Variants in ENTREP2 observed in about 807,000 individuals in gnomAD.
The protein encoded by ENTREP2 is endosomal transmembrane epsin interactor 2.
At chr15:29,531,038 T>A in the ENTREP2 span, among the ~76,000 whole-genome samples, 1 of 152,216 alleles carries the variant, frequency 6.6e-6, no homozygotes, top group Admixed American at 6.5e-5. Flanking sequence ...CCTGCCTGCA[T>A]TCTTCCCCTC....
At chr15:29,335,927 G>A in the ENTREP2 span, among the ~76,000 whole-genome samples, 1 of 151,984 alleles carries the variant, frequency 6.6e-6, no homozygotes, top group Admixed American at 6.5e-5. Flanking sequence ...GGATCACAAC[G>A]TCAGGAGATT....
At chr15:29,498,905 T>G in the ENTREP2 span, among the ~76,000 whole-genome samples, 1 of 152,206 alleles carries the variant, frequency 6.6e-6, no homozygotes, top group Non-Finnish European at 1.5e-5. Context: ...CATAATGACC[T>G]TTTTGATCTC....
the ENTREP2 span, among the ~76,000 whole-genome samples, chr15:29,506,929 C>G: frequency 2.0e-5 from 3 of 152,118 alleles, no homozygotes. Flanking sequence ...TGTAAATGGG[C>G]TGAATGCCCC....
the ENTREP2 span, among the ~76,000 whole-genome samples, chr15:29,446,856 T>C: frequency 3.3e-5 from 5 of 152,186 alleles, no homozygotes; most frequent in South Asian, 1.0e-3. Flanking sequence ...GCCAGGAGCA[T>C]GGTATCTCTT....
chr15:29,193,385 G>T, the ENTREP2 span, among the ~76,000 whole-genome samples: 1 of 152,184 alleles, frequency 6.6e-6, no homozygotes, highest in Non-Finnish European at 1.5e-5. Flanking sequence ...TGCTCTTCTG[G>T]AGCTGAGACA....
At chr15:29,381,902 A>G in the ENTREP2 span, 1 of 1,384,018 alleles carries the variant, frequency 7.2e-7, no homozygotes, top group South Asian at 1.2e-5. Flanking sequence ...AACACTGTGA[A>G]CCGTTTCAAC....
chr15:29,243,988 C>T, the ENTREP2 span, among the ~76,000 whole-genome samples: 1,742 of 152,314 alleles, frequency 0.011, 34 homozygotes, highest in African/African-American at 0.04. Context: ...ACAAGGAGGG[C>T]ACCTCAAGGT....
the ENTREP2 span, among the ~76,000 whole-genome samples, chr15:29,395,702 AT>A: frequency 0.12 from 17,450 of 150,768 alleles, 1,672 homozygotes; most frequent in African/African-American, 0.27. Context: ...TAGTTTTCGT[AT>A]TTTTTTTTCT....
the ENTREP2 span, among the ~76,000 whole-genome samples, chr15:29,628,518 C>T: frequency 1.3e-5 from 2 of 152,250 alleles, no homozygotes; most frequent in East Asian, 3.9e-4. Context: ...CTATCGATGT[C>T]CATTAGATCA....
the ENTREP2 span, among the ~76,000 whole-genome samples, chr15:29,128,278 C>T: frequency 6.6e-6 from 1 of 152,168 alleles, no homozygotes; most frequent in African/African-American, 2.4e-5. Flanking sequence ...CCCGCCCCGG[C>T]TCTGCACGCG....
At chr15:29,490,254 ATGGTCTCTC>A in the ENTREP2 span, among the ~76,000 whole-genome samples, 1 of 151,836 alleles carries the variant, frequency 6.6e-6, no homozygotes, top group African/African-American at 2.4e-5. Flanking sequence ...CAATGGGTTT[ATGGTCTCTC>A]TGGCCTCAGA....
At chr15:29,559,202 G>C in the ENTREP2 span, among the ~76,000 whole-genome samples, 4 of 152,182 alleles carry the variant, frequency 2.6e-5, no homozygotes, top group South Asian at 6.2e-4. Context: ...TCTTGTGATC[G>C]ATCCAGTTAC....
At chr15:29,462,725 T>G in the ENTREP2 span, among the ~76,000 whole-genome samples, 20 of 152,214 alleles carry the variant, frequency 1.3e-4, no homozygotes, top group East Asian at 3.7e-3. Flanking sequence ...ATCACAACCT[T>G]TTCAGCAAAG....
At chr15:29,343,029 G>GGGGT in the ENTREP2 span, among the ~76,000 whole-genome samples, 48 of 129,654 alleles carry the variant, frequency 3.7e-4, no homozygotes, top group Non-Finnish European at 6.5e-4. Flanking sequence ...AAAAGGAATG[G>GGGGT]GGGGGGTGGT....
the ENTREP2 span, among the ~76,000 whole-genome samples, chr15:29,280,738 C>A: frequency 3.3e-5 from 5 of 152,184 alleles, no homozygotes; most frequent in African/African-American, 1.2e-4. Context: ...AGCCGGGGAA[C>A]CGCCATGGGA....
chr15:29,230,550 C>T, the ENTREP2 span, among the ~76,000 whole-genome samples: 9 of 151,656 alleles, frequency 5.9e-5, no homozygotes, highest in African/African-American at 2.2e-4. Flanking sequence ...TAATAAGTCA[C>T]AAAGGAAGAA....
chr15:29,341,683 G>A, the ENTREP2 span, among the ~76,000 whole-genome samples: 1 of 152,160 alleles, frequency 6.6e-6, no homozygotes, highest in East Asian at 1.9e-4. Flanking sequence ...CGCCGTGGAA[G>A]GGAATAGTGA....
chr15:29,600,898 C>CTTTTTTTTTTTTTTTTTTTTTTTTTTTT, the ENTREP2 span, among the ~76,000 whole-genome samples: 43 of 125,428 alleles, frequency 3.4e-4, 9 homozygotes, highest in African/African-American at 1.2e-3. Flanking sequence ...TATGATTTTT[C>CTTTTTTTTTTTTTTTTTTTTTTTTTTTT]TTTCTTTTTT....
At chr15:29,577,313 GGTGT>G in the ENTREP2 span, among the ~76,000 whole-genome samples, 38 of 139,904 alleles carry the variant, frequency 2.7e-4, no homozygotes, top group African/African-American at 8.0e-4. Context: ...GACTCAAAGA[GGTGT>G]GTGTGTGTGT....
Sources: gnomAD v4.1 joint callset for allele counts (sites outside exome capture counted in the v4.1 genomes callset) on GRCh38, gnomAD v4.1.1 for gene constraint, MANE v1.5 for transcripts, NCBI Gene and HGNC (gene_info 2026-07-23, HGNC 2026-07-21) for gene names.